The following TAB1 variants were observed in gnomAD, a reference collection of about 807,000 sequenced individuals.
TAB1 encodes TGF-beta-activated kinase 1 and MAP3K7-binding protein 1.
In TAB1, 30 loss-of-function variants were observed where a neutral mutation model predicts 54.5. The observed-to-expected ratio is 0.55, with a 90% confidence interval of 0.41 to 0.75. The LOEUF (loss-of-function observed/expected upper bound fraction) is 0.75, where lower values mean the gene tolerates loss of function less well. Among genes scored for constraint, TAB1 ranks in the 30% least tolerant of loss-of-function variants. TAB1 has a pLI of 0.00. For synonymous variants in TAB1, 289 were observed against 286.9 expected, an observed-to-expected ratio of 1.01 and a Z score of -0.07; for missense variants, 609 against 683.2, an observed-to-expected ratio of 0.89 and a Z score of 1.21.
chr22:39,414,899 T>C (rs1172992146), intron 1 of TAB1, 107 bp from the exon 2 acceptor site: 2 of 1,302,936 alleles, frequency 1.5e-6, no homozygotes, highest in African/African-American at 2.9e-5. Flanking sequence ...GAACCCTCTG[T>C]GTAGGGCTGC....
intron 8 of TAB1, among the ~76,000 whole-genome samples, chr22:39,425,421 T>C (rs1444547889): frequency 1.3e-5 from 2 of 152,032 alleles, no homozygotes; most frequent in Admixed American, 6.6e-5. Context: ...CATTTTCTTA[T>C]ATAATAATGA....
intron 1 of TAB1, among the ~76,000 whole-genome samples, chr22:39,400,220 G>A (rs1011432672): frequency 6.6e-6 from 1 of 152,214 alleles, no homozygotes; most frequent in Admixed American, 6.5e-5. Flanking sequence ...CATCCCCGGC[G>A]TTGTGTTAAT....
At chr22:39,404,580 AAAGT>A (rs1301445519) in intron 1 of TAB1, among the ~76,000 whole-genome samples, 1 of 151,988 alleles carries the variant, frequency 6.6e-6, no homozygotes, top group Non-Finnish European at 1.5e-5. Flanking sequence ...AAAAAAAAAG[AAAGT>A]AAGCTTAAAA....
At position 39,415,373 on chromosome 22, in the gene TAB1, G is replaced by C; in HGVS notation, c.171-127G>C. The stretch of plus-strand genomic sequence containing the variant: ...AGAGTGAAATGATGGCTAAAGCAGG[G>C]GGACCCAGGAGGGCCCCTGAAGCTG... On this transcript the variant is annotated intron_variant, in intron 2 of 10. Coordinates refer to ENST00000216160, the MANE Select transcript of TAB1 (RefSeq NM_006116.3). The surrounding 1 kb of genome is among the most constrained non-coding windows in gnomAD (Gnocchi z 4.9). The C allele has an allele frequency of 8.2e-7, 1 of 1,226,240 alleles. No individual in the cohort carries two copies. Among genetic ancestry groups the C allele is most frequent in the Admixed American group, 2.3e-5 (1 of 44,206 alleles). 76.0% of individuals were successfully genotyped at this position (1,226,240 alleles called of 1,614,324 possible). A position where few individuals can be genotyped will look rare whatever the true frequency, so the allele number is the denominator to read the frequency against.
At chr22:39,433,216 C>A, downstream of TAB1, 1 of 977,782 alleles carries the variant, frequency 1.0e-6, no homozygotes, top group Non-Finnish European at 1.2e-6. Context: ...CTTTCAGAGG[C>A]CAAGGCAGGC....
At chr22:39,404,596 C>A (rs1393540211) in intron 1 of TAB1, among the ~76,000 whole-genome samples, 2 of 151,708 alleles carry the variant, frequency 1.3e-5, no homozygotes, top group Non-Finnish European at 1.5e-5. Flanking sequence ...AGCTTAAAAT[C>A]AATTTTTTAA....
chr22:39,425,771 C>T (rs1434962980), intron 8 of TAB1, among the ~76,000 whole-genome samples: 3 of 151,980 alleles, frequency 2.0e-5, no homozygotes, highest in East Asian at 3.9e-4. Flanking sequence ...TGGTCTCGAT[C>T]TCCTGACCTC....
chr22:39,409,106 C>T (rs541073956), intron 1 of TAB1, among the ~76,000 whole-genome samples: 17 of 152,252 alleles, frequency 1.1e-4, no homozygotes, highest in African/African-American at 3.6e-4. Context: ...TCTTTTCCTC[C>T]CATGCTTTAA....
chr22:39,433,692 C>G (rs867604796), downstream of TAB1: 8 of 985,282 alleles, frequency 8.1e-6, no homozygotes, highest in African/African-American at 1.2e-4. Context: ...AGGCTCCCCA[C>G]GATGCCCGTG....
intron 10 of TAB1, among the ~76,000 whole-genome samples, chr22:39,429,627 G>T (rs770045967): frequency 6.6e-6 from 1 of 152,114 alleles, no homozygotes; most frequent in South Asian, 2.1e-4. Flanking sequence ...ACAGGCACAC[G>T]CCACCATGCC....
At chr22:39,419,652 C>A in intron 7 of TAB1, 22 bp downstream of exon 7, 2 of 1,550,632 alleles carry the variant, frequency 1.3e-6, no homozygotes, top group South Asian at 1.1e-5. Flanking sequence ...CCCAGCTGTC[C>A]CCTGTGCTTG....
chr22:39,410,469 G>C lies in TAB1; in HGVS notation c.34-4537G>C, dbSNP rs113543444. Among the ~76,000 whole-genome samples, 781 of 151,102 alleles carry C rather than the reference G, an allele frequency of 5.2e-3. 7 individuals are homozygous for C. Among genetic ancestry groups the C allele is most frequent in the African/African-American group, 0.018 (727 of 41,320 alleles). On this transcript the variant is annotated intron_variant, in intron 1 of 10. Coordinates refer to ENST00000216160, the MANE Select transcript of TAB1 (RefSeq NM_006116.3). ...GTTAAATTTAAGCCTGGTGTCATGAGGAGCTGAGCAGAATTGTTGCCATTT... is the reference window on the plus strand; with the variant it reads ...GTTAAATTTAAGCCTGGTGTCATGACGAGCTGAGCAGAATTGTTGCCATTT...
At chr22:39,406,477 G>C (rs1387026354) in intron 1 of TAB1, among the ~76,000 whole-genome samples, 1 of 151,990 alleles carries the variant, frequency 6.6e-6, no homozygotes, top group African/African-American at 2.4e-5. Flanking sequence ...TTGAGGTTTG[G>C]GAATCATGGG....
chr22:39,426,305 C>T (rs1473329449), intron 8 of TAB1, among the ~76,000 whole-genome samples: 1 of 152,228 alleles, frequency 6.6e-6, no homozygotes, highest in Non-Finnish European at 1.5e-5. Flanking sequence ...AAAATCCTAG[C>T]ATGTATAACA....
At chr22:39,434,919 G>GT (rs1461166377), downstream of TAB1, among the ~76,000 whole-genome samples, 6 of 152,214 alleles carry the variant, frequency 3.9e-5, no homozygotes, top group Admixed American at 2.6e-4. Flanking sequence ...ACCTTCCGTG[G>GT]ATCCAGCCTC....
intron 10 of TAB1, chr22:39,429,482 T>C (rs1927492942): frequency 1.6e-6 from 1 of 638,632 alleles, no homozygotes; most frequent in African/African-American, 2.0e-5. Context: ...TTCCATTTTC[T>C]TTCCATTTTT....
At chr22:39,400,917 C>T (rs1926107721) in intron 1 of TAB1, among the ~76,000 whole-genome samples, 1 of 150,780 alleles carries the variant, frequency 6.6e-6, no homozygotes, top group African/African-American at 2.4e-5. Flanking sequence ...CCTGTAGTCC[C>T]AACTATTCGG....
In TAB1 at chr22:39,430,544, C is replaced by T; in HGVS notation, c.*322C>T. 3 of 1,240,228 alleles carry T rather than the reference C, an allele frequency of 2.4e-6. No individual in the cohort carries two copies. Among genetic ancestry groups the T allele is most frequent in the South Asian group, 3.5e-5 (2 of 57,382 alleles). The allele number at this position is 1,240,228 out of a possible 1,614,324, so 76.8% of individuals were successfully genotyped here. ...GCCGCCCGAGCCTCCCCAGCAGCCTCCTACAGAGCAGGAAGAGGCGCCCTG... is the reference window on the plus strand; with the variant it reads ...GCCGCCCGAGCCTCCCCAGCAGCCTTCTACAGAGCAGGAAGAGGCGCCCTG... On this transcript the variant is annotated 3_prime_UTR_variant, in exon 11 of 11. Transcript: ENST00000216160.
At chr22:39,436,036 A>G (rs1927770815), downstream of TAB1, among the ~76,000 whole-genome samples, 1 of 152,252 alleles carries the variant, frequency 6.6e-6, no homozygotes, top group African/African-American at 2.4e-5. Context: ...TCACGCCTAT[A>G]ATCCCAGCAC....
Sources: allele counts gnomAD v4.1 joint callset (sites outside exome capture counted in the v4.1 genomes callset), GRCh38; gene constraint gnomAD v4.1.1; non-coding constraint Gnocchi (gnomAD v3.1); transcripts MANE v1.5; gene names NCBI Gene and HGNC (gene_info 2026-07-23, HGNC 2026-07-21).